Variants in CTNNA3 observed in about 807,000 individuals in gnomAD.
The protein encoded by CTNNA3 is catenin alpha 3.
In CTNNA3, 76 loss-of-function variants were observed where a neutral mutation model predicts 95.7. That is an observed-to-expected ratio of 0.79 (90% CI 0.66 to 0.96). The LOEUF (loss-of-function observed/expected upper bound fraction) is 0.96. Ranked by LOEUF, CTNNA3 falls within the 40% of genes least tolerant of loss-of-function variation. The pLI is 0.00. For synonymous variants in CTNNA3, 431 were observed against 374.4 expected (o/e 1.15, Z -1.74); for missense variants, 1,191 against 1,089.8 (o/e 1.09, Z -1.31).
intron 15 of CTNNA3, among the ~76,000 whole-genome samples, chr10:66,042,810 G>T (rs1401203226): frequency 7.2e-6 from 1 of 138,600 alleles, no homozygotes; most frequent in Non-Finnish European, 1.5e-5. Context: ...TGAGGCAAGA[G>T]AATTGCTTGA....
intron 10 of CTNNA3, among the ~76,000 whole-genome samples, chr10:66,592,131 A>G (rs1589462964): frequency 6.6e-6 from 1 of 151,994 alleles, no homozygotes; most frequent in African/African-American, 2.4e-5. Context: ...TCATGACTCA[A>G]CCATCCATAA....
chr10:66,184,564 G>T (rs1316366360), intron 13 of CTNNA3, among the ~76,000 whole-genome samples: 2 of 152,022 alleles, frequency 1.3e-5, no homozygotes, highest in Admixed American at 1.3e-4. Flanking sequence ...TTTCGTCATT[G>T]TTTTGCAACG....
chr10:66,192,232 C>A (rs966510200), intron 13 of CTNNA3, among the ~76,000 whole-genome samples: 3 of 152,164 alleles, frequency 2.0e-5, no homozygotes, highest in South Asian at 4.2e-4. Flanking sequence ...CACTCCCCCG[C>A]CAGCAGAACT....
chr10:67,244,781 T>G (rs921712913), intron 5 of CTNNA3, among the ~76,000 whole-genome samples: 1 of 152,164 alleles, frequency 6.6e-6, no homozygotes, highest in Non-Finnish European at 1.5e-5. Context: ...AGAAAACCGG[T>G]ATGAAAGTCA....
At chr10:66,001,681 T>C (rs1304898125) in intron 15 of CTNNA3, among the ~76,000 whole-genome samples, 1 of 152,108 alleles carries the variant, frequency 6.6e-6, no homozygotes, top group Non-Finnish European at 1.5e-5. Flanking sequence ...CATTTTTTCT[T>C]TCCTTCTCCT....
Position 66,191,531 on chromosome 10 carries a change from G to A in CTNNA3, c.1885-88282C>T, listed in dbSNP as rs115773956. ...TCTACAGTCCCATAGGTGTACTTCC[G>A]TCATTACTAGCAGCCTCTGCTGTGC... On this transcript the variant is annotated intron_variant, in intron 13 of 17. Coordinates refer to ENST00000433211, the MANE Select transcript of CTNNA3 (RefSeq NM_013266.4). Among the ~76,000 whole-genome samples, 1,267 of 151,166 alleles carry A rather than the reference G, an allele frequency of 8.4e-3. 13 individuals are homozygous for A. Among genetic ancestry groups the A allele is most frequent in the African/African-American group, 0.029 (1,182 of 41,166 alleles).
chr10:67,356,049 A>G (rs1450814745), intron 5 of CTNNA3, among the ~76,000 whole-genome samples: 1 of 151,892 alleles, frequency 6.6e-6, no homozygotes, highest in Non-Finnish European at 1.5e-5. Flanking sequence ...AGGAAACCCA[A>G]AGTTCCTGGG....
At chr10:66,693,794 A>G (rs10997311) in intron 9 of CTNNA3, among the ~76,000 whole-genome samples, 37,046 of 152,084 alleles carry the variant, frequency 0.24, 5,690 homozygotes, top group East Asian at 0.56. Context: ...ACTAGAACTC[A>G]GGATTAAGAA....
intron 7 of CTNNA3, among the ~76,000 whole-genome samples, chr10:66,886,995 T>G (rs1731565376): frequency 1.3e-5 from 2 of 152,196 alleles, no homozygotes; most frequent in Admixed American, 1.3e-4. Flanking sequence ...GATTGACTGA[T>G]TGATTTACCA....
chr10:66,487,642 G>A (rs982551641), intron 11 of CTNNA3, among the ~76,000 whole-genome samples: 1 of 152,058 alleles, frequency 6.6e-6, no homozygotes, highest in African/African-American at 2.4e-5. Context: ...ACATCTACAT[G>A]TTATCAAATC....
intron 9 of CTNNA3, among the ~76,000 whole-genome samples, chr10:66,749,005 C>T (rs1219270956): frequency 1.4e-5 from 2 of 145,956 alleles, no homozygotes; most frequent in Non-Finnish European, 3.0e-5. Flanking sequence ...AACCCCATCT[C>T]TTCCAAAAAA....
chr10:67,387,748 G>C (rs1322777488), intron 5 of CTNNA3, among the ~76,000 whole-genome samples: 1 of 152,216 alleles, frequency 6.6e-6, no homozygotes, highest in Non-Finnish European at 1.5e-5. Context: ...GTGGGTCCCT[G>C]ACCCCTGACC....
intron 7 of CTNNA3, among the ~76,000 whole-genome samples, chr10:66,924,185 C>T (rs894062973): frequency 6.6e-6 from 1 of 152,140 alleles, no homozygotes; most frequent in African/African-American, 2.4e-5. Context: ...GTTTCATGTG[C>T]ATTCACAGCT....
At chr10:67,455,513 C>A (rs1589307850) in intron 5 of CTNNA3, among the ~76,000 whole-genome samples, 1 of 152,048 alleles carries the variant, frequency 6.6e-6, no homozygotes, top group African/African-American at 2.4e-5. Context: ...GAGGAAGTAA[C>A]CTTGCAGTGG....
intron 5 of CTNNA3, among the ~76,000 whole-genome samples, chr10:67,227,813 T>C (rs941952625): frequency 6.6e-6 from 1 of 152,098 alleles, no homozygotes; most frequent in Admixed American, 6.5e-5. Context: ...TGAGCCTCAA[T>C]AAATTTAAGA....
intron 14 of CTNNA3, among the ~76,000 whole-genome samples, chr10:66,073,739 G>GATTCA (rs1003056268): frequency 3.1e-4 from 47 of 151,946 alleles, no homozygotes; most frequent in African/African-American, 1.1e-3. Context: ...GCTACTGCTT[G>GATTCA]ATTCAATCTT....
chr10:67,580,387 T>C (rs538551866), intron 3 of CTNNA3, among the ~76,000 whole-genome samples: 5 of 152,040 alleles, frequency 3.3e-5, no homozygotes, highest in African/African-American at 1.2e-4. Context: ...GTATTATTTC[T>C]GAGGGCTCTG....
chr10:66,430,822 C>T (rs962573127), intron 11 of CTNNA3, among the ~76,000 whole-genome samples: 8 of 152,128 alleles, frequency 5.3e-5, no homozygotes, highest in African/African-American at 1.9e-4. Flanking sequence ...CTAGGCAATA[C>T]CATTCAGGAC....
At chr10:66,168,433 C>T (rs1339373444) in intron 13 of CTNNA3, among the ~76,000 whole-genome samples, 1 of 152,136 alleles carries the variant, frequency 6.6e-6, no homozygotes, top group African/African-American at 2.4e-5. Flanking sequence ...TCACCTATGG[C>T]TTACTGTACA....
Sources: gnomAD v4.1 joint callset for allele counts (sites outside exome capture counted in the v4.1 genomes callset) on GRCh38, gnomAD v4.1.1 for gene constraint, MANE v1.5 for transcripts, NCBI Gene and HGNC (gene_info 2026-07-23, HGNC 2026-07-21) for gene names.